The following VCPIP1 variants were observed in gnomAD, a reference collection of about 807,000 sequenced individuals.
VCPIP1 encodes valosin containing protein interacting protein 1, also known as deubiquitinating protein VCPIP1.
In VCPIP1, 8 loss-of-function variants were observed where a neutral mutation model predicts 85.0. That is an observed-to-expected ratio of 0.09 (90% confidence interval 0.06 to 0.17). The LOEUF is 0.17. VCPIP1 is among the 10% of genes least tolerant of loss of function. The pLI, the probability that VCPIP1 is intolerant of heterozygous loss-of-function variation, is 1.00. For synonymous variants in VCPIP1, 543 were observed against 544.5 expected (o/e 1.00, Z 0.04); for missense variants, 1,070 against 1,486.3 (o/e 0.72, Z 4.61).
chr8:66,634,988 C>T lies in VCPIP1; in HGVS notation c.3182G>A (p.Ser1061Asn). 1 of 1,613,482 alleles carries T rather than the reference C, an allele frequency of 6.2e-7. No individual in the cohort carries two copies. The highest frequency in any genetic ancestry group is 8.5e-7 in the Non-Finnish European group (1 of 1,179,518). Residue 1061 changes from serine (S) to asparagine (N), a missense_variant, in exon 3 of 3, where the codon AGT becomes AAT. By Grantham distance (46) the Ser-to-Asn change is conservative. Transcript: ENST00000310421. ...AGGCTCTGTTTTAGTGGAACTATTA[C>T]TAAAGTCTGTCCCTGTATTATGCTT... is the stretch of plus-strand genomic sequence containing the variant. The part of the protein sequence containing the change: ...VRKHNTGTDF[S>N]NSSTKTEPSV...
At chr8:66,644,101 G>T (rs1239914780) in intron 2 of VCPIP1, among the ~76,000 whole-genome samples, 1 of 152,038 alleles carries the variant, frequency 6.6e-6, no homozygotes, top group Non-Finnish European at 1.5e-5. Flanking sequence ...CTCTATTAAA[G>T]AAATTAAATT....
intron 1 of VCPIP1, 93 bp downstream of exon 1, chr8:66,664,156 G>A (rs1811183445): frequency 1.5e-6 from 2 of 1,371,212 alleles, no homozygotes; most frequent in African/African-American, 1.5e-5. Flanking sequence ...AACTTACAAT[G>A]GCTACAGATT....
Position 66,666,907 on chromosome 8 carries a change from G to A in VCPIP1, c.52C>T (p.Pro18Ser). The A allele has an allele frequency of 6.3e-7, 1 of 1,595,392 alleles. No individual in the cohort carries two copies. Residue 18 changes from proline (P) to serine (S), a missense_variant, in exon 1 of 3, where the codon CCT becomes TCT. Pro to Ser is a moderately conservative substitution (Grantham distance 74). Coordinates refer to ENST00000310421, the MANE Select transcript of VCPIP1 (RefSeq NM_025054.5). This position sits in a 1 kb window ranked among gnomAD's most constrained non-coding sequence, Gnocchi z 6.3. Reference protein sequence around the residue: ...PPPLPPPPPPPEAPQTPSSLA... With the variant: ...PPPLPPPPPPSEAPQTPSSLA... The stretch of plus-strand genomic sequence containing the variant: ...GACGACGGAGTCTGTGGAGCCTCAG[G>A]GGGAGGAGGTGGCGGCGGCAACGGA...
intron 1 of VCPIP1, among the ~76,000 whole-genome samples, chr8:66,660,070 T>C (rs1295075386): frequency 6.6e-6 from 1 of 152,222 alleles, no homozygotes; most frequent in South Asian, 2.1e-4. Flanking sequence ...TGATGAAAGC[T>C]AAAAAGTATG....
Position 66,651,397 on chromosome 8 carries a change from C to T in VCPIP1, c.2797+61G>A, listed in dbSNP as rs1325417137. The stretch of plus-strand genomic sequence containing the variant: ...TTTAGTAGAAAACTATATGAACTTT[C>T]TTAATCTTAAAACAGCTTCAGTAGA... On this transcript the variant is annotated intron_variant, in intron 2 of 2. Transcript: ENST00000310421. 3 of 1,283,654 alleles carry T rather than the reference C, an allele frequency of 2.3e-6. No homozygotes were observed. In the African/African-American group the frequency reaches 4.5e-5, roughly 19 times the overall value. The allele number at this position is 1,283,654 out of a possible 1,614,324, so 79.5% of individuals were successfully genotyped here. A position where few individuals can be genotyped will look rare whatever the true frequency, so the allele number is the denominator to read the frequency against.
intron 2 of VCPIP1, 123 bp downstream of exon 2, chr8:66,651,335 T>C (rs1446557051): frequency 1.4e-6 from 1 of 736,334 alleles, no homozygotes; most frequent in East Asian, 2.8e-5. Flanking sequence ...GGCAAACTGC[T>C]AAAAGAATAT....
chr8:66,658,085 C>T (rs1811117288), intron 1 of VCPIP1, among the ~76,000 whole-genome samples: 2 of 152,064 alleles, frequency 1.3e-5, no homozygotes, highest in South Asian at 4.1e-4. Flanking sequence ...CCTGTAATCC[C>T]AGCACTTTGG....
Position 66,631,644 on chromosome 8 carries a change from A to C in VCPIP1, c.*2857T>G, listed in dbSNP as rs570185987. ...TGCAAGCAGTAGGCTTGACTGTAAA[A>C]ACCAAACTAAAAATCACTGGAAGAC... On this transcript the variant is annotated 3_prime_UTR_variant, in exon 3 of 3. Coordinates refer to ENST00000310421, the MANE Select transcript of VCPIP1 (RefSeq NM_025054.5). 1 of 154,528 alleles carries C rather than the reference A, an allele frequency of 6.5e-6. No homozygotes were observed. Among genetic ancestry groups the C allele is most frequent in the South Asian group, 2.0e-4 (1 of 4,908 alleles). 9.6% of individuals were successfully genotyped at this position (154,528 alleles called of 1,614,324 possible).
In VCPIP1 at chr8:66,630,267, A is replaced by G. The variant is rs1261481408; in HGVS notation, c.*4234T>C. ...CAGCCAGTGCCTTAAGGGTGAAATA[A>G]CATCTATACTATTTTATTGAGCAGT... On this transcript the variant is annotated 3_prime_UTR_variant, in exon 3 of 3. Transcript: ENST00000310421. 6.6e-6 allele frequency: 1 copy of G among 152,234 alleles called. No individual in the cohort carries two copies. Among genetic ancestry groups the G allele is most frequent in the Non-Finnish European group, 1.5e-5 (1 of 68,034 alleles). 9.4% of individuals were successfully genotyped at this position (152,234 alleles called of 1,614,324 possible). A position where few individuals can be genotyped will look rare whatever the true frequency, so the allele number is the denominator to read the frequency against.
chr8:66,656,540 A>G (rs1041865367), intron 1 of VCPIP1, among the ~76,000 whole-genome samples: 1 of 152,202 alleles, frequency 6.6e-6, no homozygotes, highest in African/African-American at 2.4e-5. Flanking sequence ...TTTACTTTGC[A>G]ATTTATGAGG....
chr8:66,662,383 C>T (rs990505278), intron 1 of VCPIP1, among the ~76,000 whole-genome samples: 3 of 152,170 alleles, frequency 2.0e-5, no homozygotes, highest in Non-Finnish European at 2.9e-5. Context: ...CTTTGTACAG[C>T]AGTATATGAA....
chr8:66,662,655 G>C (rs1811168286), intron 1 of VCPIP1, among the ~76,000 whole-genome samples: 2 of 151,992 alleles, frequency 1.3e-5, no homozygotes, highest in African/African-American at 2.4e-5. Context: ...CTGGGAGATT[G>C]AAGGTCTTTT....
At chr8:66,661,758 C>T (rs1811160084) in intron 1 of VCPIP1, among the ~76,000 whole-genome samples, 1 of 149,808 alleles carries the variant, frequency 6.7e-6, no homozygotes. Flanking sequence ...ATAATCATAC[C>T]GATCAGATTT....
intron 2 of VCPIP1, among the ~76,000 whole-genome samples, chr8:66,650,638 A>T (rs573321552): frequency 1.3e-5 from 2 of 152,062 alleles, no homozygotes; most frequent in Middle Eastern, 3.2e-3. Context: ...GATATACGCT[A>T]AATATGGCCA....
At chr8:66,642,220 T>C (rs552404622) in intron 2 of VCPIP1, among the ~76,000 whole-genome samples, 34 of 152,352 alleles carry the variant, frequency 2.2e-4, no homozygotes, top group African/African-American at 6.0e-4. Context: ...TCACGTGTGA[T>C]TGGCCATTTA....
chr8:66,653,833 T>C (rs2130170807), intron 1 of VCPIP1, among the ~76,000 whole-genome samples: 1 of 152,342 alleles, frequency 6.6e-6, no homozygotes, highest in African/African-American at 2.4e-5. Flanking sequence ...AGATATACCT[T>C]ATATCTGCTT....
rs1810846000 is a variant in VCPIP1 at position 66,632,659 on chromosome 8, T to C, written c.*1842A>G. 6.6e-6 allele frequency: 1 copy of C among 152,106 alleles called. No homozygotes were observed. The highest frequency in any genetic ancestry group is 2.4e-5 in the African/African-American group (1 of 41,460). The allele number at this position is 152,106 out of a possible 1,614,324, so 9.4% of individuals were successfully genotyped here. A position where few individuals can be genotyped will look rare whatever the true frequency, so the allele number is the denominator to read the frequency against. ...GCAGTGCATTTTTTGCTTAAACAGT[T>C]TTCCTGTATTTAAATCCCCCCAAAA... On this transcript the variant is annotated 3_prime_UTR_variant, in exon 3 of 3. Transcript: ENST00000310421.
At chr8:66,655,378 G>A (rs1300827010) in intron 1 of VCPIP1, among the ~76,000 whole-genome samples, 1 of 152,158 alleles carries the variant, frequency 6.6e-6, no homozygotes, top group African/African-American at 2.4e-5. Context: ...TGAAGCTACG[G>A]TTTTAATTTC....
rs369733367 is a variant in VCPIP1, at chr8:66,635,067, C to A, written c.3103G>T (p.Ala1035Ser). The A allele has an allele frequency of 6.2e-7, 1 of 1,613,994 alleles. No homozygotes were observed. The highest frequency in any genetic ancestry group is 8.5e-7 in the Non-Finnish European group (1 of 1,179,988). ...GGATCAAGGTGTGGGTTACCAGATGCAGTTCCTAAAGAATGCCCTTTTCCC... is the reference window on the plus strand; with the variant it reads ...GGATCAAGGTGTGGGTTACCAGATGAAGTTCCTAAAGAATGCCCTTTTCCC... ...FQGKGHSLGT[A>S]SGNPHLDPRA... Residue 1035 changes from alanine to serine, a missense_variant, in exon 3 of 3, where the codon GCA becomes TCA. Around this residue, in one of 8 missense-constraint regions of VCPIP1, gnomAD observed 255 missense variants for 289.5 expected, o/e 0.88. Transcript: ENST00000310421.
Sources: allele counts gnomAD v4.1 joint callset (sites outside exome capture counted in the v4.1 genomes callset), GRCh38; gene constraint gnomAD v4.1.1; regional missense constraint gnomAD v4.1.1; non-coding constraint Gnocchi (gnomAD v3.1); transcripts MANE v1.5; gene names NCBI Gene and HGNC (gene_info 2026-07-23, HGNC 2026-07-21).